The following DOCK11 variants were observed in gnomAD, a reference collection of about 807,000 sequenced individuals.
DOCK11 encodes the protein dedicator of cytokinesis 11, also known as dedicator of cytokinesis protein 11.
Under a neutral mutation model 169.1 loss-of-function variants are expected in DOCK11, and 70 were observed. The ratio of observed to expected loss-of-function variants is 0.41; its 90% confidence interval spans 0.34 to 0.51. The LOEUF (loss-of-function observed/expected upper bound fraction) is 0.51. DOCK11 is among the 20% of genes least tolerant of loss of function. The pLI is 0.10. For synonymous variants in DOCK11, 529 were observed against 541.3 expected, an observed-to-expected ratio of 0.98 and a Z score of 0.32; for missense variants, 1,166 against 1,538.8, an observed-to-expected ratio of 0.76 and a Z score of 4.05.
intron 1 of DOCK11, among the ~76,000 whole-genome samples, chrX:118,515,578 C>T (rs2057677588): frequency 1.8e-5 from 2 of 110,818 alleles, no homozygotes; most frequent in African/African-American, 6.6e-5. Flanking sequence ...ATATCATTTG[C>T]AGGTTCCAGG....
At chrX:118,675,589 T>TGAGGG (rs2016589663) in intron 46 of DOCK11, among the ~76,000 whole-genome samples, 1 of 101,581 alleles carries the variant, frequency 9.8e-6, no homozygotes, top group Non-Finnish European at 2.0e-5. Context: ...GGGTGGGGGG[T>TGAGGG]GAGGGGAGGG....
intron 37 of DOCK11, among the ~76,000 whole-genome samples, chrX:118,639,183 T>C: frequency 8.9e-6 from 1 of 111,849 alleles, no homozygotes; most frequent in Middle Eastern, 4.7e-3. Flanking sequence ...TATTGGAGTG[T>C]TGGCCACTTA....
chrX:118,676,344 G>GA (rs1162226248), intron 47 of DOCK11, among the ~76,000 whole-genome samples: 3 of 111,447 alleles, frequency 2.7e-5, no homozygotes, highest in African/African-American at 9.8e-5. Flanking sequence ...TACAGGGAAG[G>GA]AAAAAACCTA....
At chrX:118,670,651 A>G (rs939873172) in intron 45 of DOCK11, among the ~76,000 whole-genome samples, 3 of 112,119 alleles carry the variant, frequency 2.7e-5, no homozygotes, top group African/African-American at 9.7e-5. Context: ...GTTTTAATAT[A>G]AAAAATAATA....
intron 10 of DOCK11, among the ~76,000 whole-genome samples, chrX:118,570,888 T>C (rs1167771866): frequency 8.9e-6 from 1 of 112,234 alleles, no homozygotes; most frequent in Admixed American, 9.5e-5. Flanking sequence ...GCAATCTTTT[T>C]CTTTGAGAGA....
intron 45 of DOCK11, among the ~76,000 whole-genome samples, chrX:118,668,641 A>C (rs1233091451): frequency 4.5e-5 from 5 of 111,956 alleles, no homozygotes; most frequent in Non-Finnish European, 3.8e-5. Flanking sequence ...CCCTACTCTC[A>C]AAGAATCACA....
rs1208500631 is a variant in DOCK11 at position 118,647,816 on chromosome X, ATAT to A, written c.4399-1122_4399-1120del. On this transcript the variant is annotated intron_variant, in intron 40 of 52. Coordinates refer to ENST00000276202, the MANE Select transcript of DOCK11 (RefSeq NM_144658.4). Reference sequence around the variant, plus strand: ...ATTATAATATATAATAATATATATTATATTATTATAATATAATATTTAATATAT... The same window carrying A: ...ATTATAATATATAATAATATATATTATATTATAATATAATATTTAATATAT... Among the ~76,000 whole-genome samples, 14 of 52,697 alleles carry A rather than the reference ATAT, an allele frequency of 2.7e-4. No homozygotes were observed. In the South Asian group the frequency reaches 0.011, roughly 41 times the overall value. The allele number at this position is 52,697 out of a possible 115,157, so 45.8% of individuals were successfully genotyped here.
At chrX:118,524,369 T>C (rs1258285973) in intron 1 of DOCK11, among the ~76,000 whole-genome samples, 3 of 111,791 alleles carry the variant, frequency 2.7e-5, no homozygotes, top group Non-Finnish European at 3.8e-5. Context: ...AAAAATAAAG[T>C]TGATTACATT....
chrX:118,594,025 G>C (rs1393098054), intron 20 of DOCK11, among the ~76,000 whole-genome samples: 1 of 111,528 alleles, frequency 9.0e-6, no homozygotes, highest in Non-Finnish European at 1.9e-5. Context: ...TTCCAGTTCT[G>C]CTCACTGAGG....
At chrX:118,506,623 G>A (rs1270083938) in intron 1 of DOCK11, among the ~76,000 whole-genome samples, 4 of 111,272 alleles carry the variant, frequency 3.6e-5, no homozygotes, top group South Asian at 3.8e-4. Context: ...CTGAGATCAC[G>A]CCACTGCACC....
chrX:118,631,165 A>G (rs974834099), intron 35 of DOCK11, among the ~76,000 whole-genome samples: 1 of 109,982 alleles, frequency 9.1e-6, no homozygotes, highest in African/African-American at 3.3e-5. Flanking sequence ...CCTTTTCGCA[A>G]TACTTTTGCT....
At chrX:118,666,112 C>A in intron 45 of DOCK11, among the ~76,000 whole-genome samples, 1 of 111,019 alleles carries the variant, frequency 9.0e-6, no homozygotes, top group East Asian at 2.8e-4. Context: ...TAAAAATTAG[C>A]CGAGCGTGGT....
intron 1 of DOCK11, among the ~76,000 whole-genome samples, chrX:118,542,520 T>TG (rs2012057367): frequency 4.8e-5 from 5 of 103,947 alleles, no homozygotes; most frequent in African/African-American, 1.4e-4. Context: ...GTGTGTGTGT[T>TG]TGTGTGTGTG....
intron 23 of DOCK11, among the ~76,000 whole-genome samples, chrX:118,599,962 TTCTGGAA>T (rs1471287292): frequency 5.4e-5 from 6 of 112,006 alleles, no homozygotes; most frequent in Non-Finnish European, 1.1e-4. Context: ...AATATATGGG[TTCTGGAA>T]TCATAAACTG....
chrX:118,637,964 C>T (rs2015433683), intron 36 of DOCK11, 116 bp from the exon 37 acceptor site: 1 of 547,780 alleles, frequency 1.8e-6, no homozygotes, highest in Non-Finnish European at 2.9e-6. Context: ...AAACACTTAT[C>T]ATTATAATAT....
intron 48 of DOCK11, among the ~76,000 whole-genome samples, chrX:118,678,477 A>G (rs777741203): frequency 9.1e-6 from 1 of 110,297 alleles, no homozygotes; most frequent in Non-Finnish European, 1.9e-5. Flanking sequence ...TTTTTATTTT[A>G]TTTTATTTTT....
intron 1 of DOCK11, among the ~76,000 whole-genome samples, chrX:118,526,193 A>G (rs1373176534): frequency 1.8e-5 from 2 of 112,179 alleles, no homozygotes; most frequent in Admixed American, 9.4e-5. Context: ...CTCCAGTCGT[A>G]TGAAAGATAT....
intron 23 of DOCK11, 146 bp from the exon 24 acceptor site, chrX:118,605,092 C>T (rs990589241): frequency 1.1e-5 from 4 of 380,001 alleles, no homozygotes; most frequent in Non-Finnish European, 1.8e-5. Context: ...AACAAAAAAG[C>T]CCCCTATCCA....
chrX:118,504,230 C>T (rs2057595693), intron 1 of DOCK11, among the ~76,000 whole-genome samples: 2 of 110,999 alleles, frequency 1.8e-5, no homozygotes, highest in Admixed American at 1.9e-4. Flanking sequence ...TTAAATAGGC[C>T]TTTACTAATG....
Sources: allele counts gnomAD v4.1 joint callset (sites outside exome capture counted in the v4.1 genomes callset), GRCh38; gene constraint gnomAD v4.1.1; transcripts MANE v1.5; gene names NCBI Gene and HGNC (gene_info 2026-07-23, HGNC 2026-07-21).